The following EFCAB6 variants were observed in gnomAD, a reference collection of about 807,000 sequenced individuals.
EFCAB6 encodes the protein EF-hand calcium binding domain 6.
In EFCAB6, 156 loss-of-function variants were observed where a neutral mutation model predicts 169.8. That is an observed-to-expected ratio of 0.92 (90% CI 0.81 to 1.05). The LOEUF (loss-of-function observed/expected upper bound fraction) is 1.05, where lower values mean the gene tolerates loss of function less well. Among genes scored for constraint, EFCAB6 ranks in the 50% least tolerant of loss-of-function variants. The pLI is 0.00. For missense variants in EFCAB6, 1,800 were observed against 1,829.1 expected (o/e 0.98, Z 0.29); for synonymous variants, 698 against 676.4 (o/e 1.03, Z -0.50).
At chr22:43,750,641 C>G (rs762815450) in intron 6 of EFCAB6, among the ~76,000 whole-genome samples, 4 of 151,292 alleles carry the variant, frequency 2.6e-5, no homozygotes, top group Non-Finnish European at 4.4e-5. Flanking sequence ...CTTGACACAG[C>G]CTTTTTGTTA....
intron 10 of EFCAB6, among the ~76,000 whole-genome samples, chr22:43,709,023 C>T (rs1315744172): frequency 6.6e-6 from 1 of 152,156 alleles, no homozygotes; most frequent in Non-Finnish European, 1.5e-5. Context: ...ATGCACCCAT[C>T]ATATTCTTCA....
intron 17 of EFCAB6, among the ~76,000 whole-genome samples, chr22:43,647,612 G>A (rs1031035079): frequency 1.3e-5 from 2 of 152,186 alleles, no homozygotes; most frequent in African/African-American, 2.4e-5. Flanking sequence ...AATGGAGCTG[G>A]GGTCTTTTCA....
rs1013800390 is a variant in EFCAB6 at position 43,622,436 on chromosome 22, T to G, written c.2465+4011A>C. Among the ~76,000 whole-genome samples the G allele has an allele frequency of 3.9e-5, 6 of 152,084 alleles. No homozygotes were observed. In the East Asian group the frequency reaches 9.6e-4, roughly 24 times the overall value. On this transcript the variant is annotated intron_variant, in intron 20 of 31. Coordinates refer to ENST00000262726, the MANE Select transcript of EFCAB6 (RefSeq NM_022785.4). ...AAAAAATTAGCTGGGCATGGTGGTG[T>G]GCACCTGTAGTTCCAGTTACTTGGG...
At chr22:43,623,704 G>C (rs577173051) in intron 20 of EFCAB6, among the ~76,000 whole-genome samples, 3 of 145,710 alleles carry the variant, frequency 2.1e-5, no homozygotes, top group South Asian at 4.4e-4. Flanking sequence ...GACCATCCTG[G>C]CTAACATAGT....
At chr22:43,738,479 T>C (rs909440732) in intron 6 of EFCAB6, among the ~76,000 whole-genome samples, 7 of 147,312 alleles carry the variant, frequency 4.8e-5, no homozygotes. Context: ...ACACATATAT[T>C]CACACACACA....
At chr22:43,569,117 C>G (rs900043557) in intron 26 of EFCAB6, among the ~76,000 whole-genome samples, 2 of 152,210 alleles carry the variant, frequency 1.3e-5, no homozygotes, top group Non-Finnish European at 2.9e-5. Flanking sequence ...CTACTGGGAA[C>G]CGGGGTTGGA....
At chr22:43,612,976 A>G (rs985835896) in intron 21 of EFCAB6, among the ~76,000 whole-genome samples, 1 of 150,518 alleles carries the variant, frequency 6.6e-6, no homozygotes, top group Non-Finnish European at 1.5e-5. Context: ...TGTTGGTGGG[A>G]GTGTAAATTA....
chr22:43,724,743 T>G (rs2059662216), intron 8 of EFCAB6, among the ~76,000 whole-genome samples: 2 of 152,196 alleles, frequency 1.3e-5, no homozygotes, highest in Admixed American at 6.5e-5. Context: ...GACTTTCTCT[T>G]GTCTTCACTT....
chr22:43,776,736 C>G (rs2148003464), intron 3 of EFCAB6, among the ~76,000 whole-genome samples: 1 of 152,256 alleles, frequency 6.6e-6, no homozygotes, highest in South Asian at 2.1e-4. Context: ...GGATGGAGAA[C>G]AGTGAGAGGT....
intron 17 of EFCAB6, among the ~76,000 whole-genome samples, chr22:43,640,441 G>T (rs2055721425): frequency 6.6e-6 from 1 of 152,168 alleles, no homozygotes; most frequent in Non-Finnish European, 1.5e-5. Context: ...TAGGTTACTT[G>T]CAATCTGTTC....
intron 2 of EFCAB6, among the ~76,000 whole-genome samples, chr22:43,788,592 A>C (rs1276321226): frequency 1.3e-5 from 2 of 152,250 alleles, no homozygotes; most frequent in African/African-American, 4.8e-5. Flanking sequence ...AAGTATTGGC[A>C]AGATTATAGA....
At chr22:43,745,618 G>A (rs969680899) in intron 6 of EFCAB6, among the ~76,000 whole-genome samples, 4 of 152,124 alleles carry the variant, frequency 2.6e-5, no homozygotes, top group Non-Finnish European at 4.4e-5. Context: ...CAACACCCAC[G>A]GCTGTCAGTC....
intron 17 of EFCAB6, among the ~76,000 whole-genome samples, chr22:43,651,294 C>T (rs1269447510): frequency 6.6e-6 from 1 of 152,192 alleles, no homozygotes; most frequent in African/African-American, 2.4e-5. Flanking sequence ...CTGAAAGGGG[C>T]CAATTTAGAG....
At chr22:43,809,469 T>C (rs940664820) in intron 1 of EFCAB6, among the ~76,000 whole-genome samples, 6 of 152,218 alleles carry the variant, frequency 3.9e-5, no homozygotes, top group Admixed American at 6.5e-5. Context: ...TTGAGAGTGA[T>C]AGCATACTCA....
intron 6 of EFCAB6, among the ~76,000 whole-genome samples, chr22:43,740,171 A>G (rs1210374939): frequency 6.6e-6 from 1 of 152,178 alleles, no homozygotes; most frequent in Admixed American, 6.5e-5. Context: ...GTCTTGGCCC[A>G]GAAACGCCCT....
intron 6 of EFCAB6, among the ~76,000 whole-genome samples, chr22:43,741,584 C>T (rs2060372500): frequency 6.6e-6 from 1 of 152,156 alleles, no homozygotes; most frequent in African/African-American, 2.4e-5. Flanking sequence ...TTTCTTCCTC[C>T]TTTGAAATGT....
chr22:43,537,425 C>A lies in EFCAB6; in HGVS notation c.4000G>T (p.Glu1334Ter). Residue 1334 changes from glutamate (E) to a stop codon, truncating the protein, a stop_gained, in exon 29 of 32, where the codon GAG (glutamate) becomes TAG (stop). Coordinates refer to ENST00000262726, the MANE Select transcript of EFCAB6 (RefSeq NM_022785.4). LOFTEE classifies it high-confidence loss of function. The surrounding 1 kb of genome is among the most constrained non-coding windows in gnomAD (Gnocchi z 4.3). ...TCCCCCTGTCTGGCCACGTCCTTCT[C>A]CTTGCATTCTTTCAGGAGCTGGCGC... ...CWRQLLKECK[E>*]KDVARQGDIN... 2 of 1,614,146 alleles carry A rather than the reference C, an allele frequency of 1.2e-6. No homozygotes were observed. The highest frequency in any genetic ancestry group is 1.1e-5 in the South Asian group (1 of 91,072).
intron 2 of EFCAB6, among the ~76,000 whole-genome samples, chr22:43,798,066 G>A (rs1367735836): frequency 1.3e-5 from 2 of 152,122 alleles, no homozygotes. Flanking sequence ...TCCCATTCCA[G>A]TCCTGGGTTG....
At chr22:43,779,403 T>C (rs548202684) in intron 3 of EFCAB6, among the ~76,000 whole-genome samples, 1 of 152,310 alleles carries the variant, frequency 6.6e-6, no homozygotes, top group African/African-American at 2.4e-5. Flanking sequence ...TACCCTCTTG[T>C]AGAGGAAAGT....
Sources: allele counts gnomAD v4.1 joint callset (sites outside exome capture counted in the v4.1 genomes callset), GRCh38; gene constraint gnomAD v4.1.1; non-coding constraint Gnocchi (gnomAD v3.1); transcripts MANE v1.5; gene names NCBI Gene and HGNC (gene_info 2026-07-23, HGNC 2026-07-21).